TMEM178A: variants seen among roughly 807,000 people sequenced by gnomAD.
The protein encoded by TMEM178A is transmembrane protein 178A.
A neutral mutation model predicts 29.1 loss-of-function variants in TMEM178A; 12 were observed. The ratio of observed to expected loss-of-function variants is 0.41; its 90% CI spans 0.26 to 0.67. TMEM178A has a LOEUF of 0.67. TMEM178A is among the 30% of genes least tolerant of loss of function. The pLI is 0.29. For missense variants in TMEM178A, 366 were observed against 419.1 expected (o/e 0.87, Z 1.11); for synonymous variants, 210 against 187.2 (o/e 1.12, Z -0.99).
chr2:39,689,792 C>T (rs1432498869), intron 1 of TMEM178A, among the ~76,000 whole-genome samples: 5 of 152,186 alleles, frequency 3.3e-5, no homozygotes, highest in Non-Finnish European at 5.9e-5. Context: ...TGACAATTAT[C>T]CATGTTAAGA....
chr2:39,722,973 T>G, the TMEM178A span, among the ~76,000 whole-genome samples: 31 of 152,094 alleles, frequency 2.0e-4, no homozygotes, highest in Non-Finnish European at 8.8e-5. Context: ...CCTCTGGGGA[T>G]TCTGGAAAGG....
chr2:39,679,373 A>G lies in TMEM178A; in HGVS notation c.400+12999A>G, dbSNP rs575763301. The stretch of plus-strand genomic sequence containing the variant: ...AGACTAAGACACTAATTATTAATCC[A>G]AAGAAGATAAGGTACTTGGTGTTAA... On this transcript the variant is annotated intron_variant, in intron 1 of 3. Transcript: ENST00000281961. Among the ~76,000 whole-genome samples the G allele has an allele frequency of 2.1e-5, 3 of 145,374 alleles. No homozygotes were observed. In the South Asian group the frequency reaches 6.9e-4, roughly 34 times the overall value.
downstream of TMEM178A, among the ~76,000 whole-genome samples, chr2:39,721,338 T>C (rs1672698348): frequency 1.3e-5 from 2 of 152,228 alleles, no homozygotes; most frequent in South Asian, 2.1e-4. Flanking sequence ...AACATTAGAA[T>C]ATGTCTGCCT....
At chr2:39,731,329 G>C in the TMEM178A span, among the ~76,000 whole-genome samples, 1 of 152,178 alleles carries the variant, frequency 6.6e-6, no homozygotes, top group African/African-American at 2.4e-5. Flanking sequence ...CTGGGTAGTT[G>C]ATAAAGAAAA....
intron 3 of TMEM178A, among the ~76,000 whole-genome samples, chr2:39,714,664 A>G (rs1020221867): frequency 6.6e-6 from 1 of 152,198 alleles, no homozygotes; most frequent in Non-Finnish European, 1.5e-5. Flanking sequence ...AGCAGAGAGA[A>G]ATCATTCTGG....
chr2:39,689,184 GT>G (rs1395306918), intron 1 of TMEM178A, among the ~76,000 whole-genome samples: 4 of 152,194 alleles, frequency 2.6e-5, no homozygotes, highest in African/African-American at 7.2e-5. Flanking sequence ...ACAGTATATT[GT>G]TTTTAAGGAT....
In TMEM178A at chr2:39,666,185, C is replaced by A; in HGVS notation, c.211C>A (p.Pro71Thr). 6.9e-7 allele frequency: 1 copy of A among 1,459,420 alleles called. No homozygotes were observed. The highest frequency in any genetic ancestry group is 9.0e-7 in the Non-Finnish European group (1 of 1,109,534). The allele number at this position is 1,459,420 out of a possible 1,614,324, so 90.4% of individuals were successfully genotyped here. A position where few individuals can be genotyped will look rare whatever the true frequency, so the allele number is the denominator to read the frequency against. ...PLSHLPLRDS[P>T]PLGRRLLPGG... ...GTCGCACCTGCCGCTGCGGGACTCG[C>A]CCCCGCTGGGGCGCCGGCTGCTCCC... Residue 71 changes from proline (P) to threonine (T), a missense_variant, in exon 1 of 4, where the codon CCC becomes ACC. Pro to Thr is a conservative substitution (Grantham distance 38). Around this residue, in one of 2 missense-constraint regions of TMEM178A, gnomAD observed 247 missense variants for 246.8 expected, o/e 1.00. Transcript: ENST00000281961.
intron 1 of TMEM178A, among the ~76,000 whole-genome samples, chr2:39,694,916 C>G (rs558995054): frequency 2.2e-4 from 33 of 152,318 alleles, no homozygotes; most frequent in African/African-American, 7.7e-4. Context: ...GGTTTGTCCT[C>G]AAGAGCTTTG....
chr2:39,668,680 T>A (rs1390187837), intron 1 of TMEM178A, among the ~76,000 whole-genome samples: 1 of 152,170 alleles, frequency 6.6e-6, no homozygotes, highest in Non-Finnish European at 1.5e-5. Flanking sequence ...AGAACAGGCA[T>A]TGGTAGATTA....
At chr2:39,729,167 A>G in the TMEM178A span, among the ~76,000 whole-genome samples, 9 of 152,208 alleles carry the variant, frequency 5.9e-5, no homozygotes, top group African/African-American at 2.2e-4. Flanking sequence ...CATCCAAACC[A>G]TACAACAAGA....
intron 1 of TMEM178A, among the ~76,000 whole-genome samples, chr2:39,686,841 C>T (rs1028915884): frequency 2.6e-5 from 4 of 152,138 alleles, no homozygotes; most frequent in African/African-American, 9.7e-5. Context: ...CCTAATGGCG[C>T]TTTTTTCCCT....
At chr2:39,714,616 A>G (rs1672455492) in intron 3 of TMEM178A, among the ~76,000 whole-genome samples, 1 of 152,200 alleles carries the variant, frequency 6.6e-6, no homozygotes, top group Non-Finnish European at 1.5e-5. Flanking sequence ...AGCACAAATC[A>G]ATTCCCCAGG....
At chr2:39,718,618 T>G (rs1305257005), downstream of TMEM178A, among the ~76,000 whole-genome samples, 1 of 152,222 alleles carries the variant, frequency 6.6e-6, no homozygotes, top group Non-Finnish European at 1.5e-5. Flanking sequence ...TCCAAAGCTC[T>G]ATGAGGTAAG....
At chr2:39,697,204 G>T (rs1671581528) in intron 1 of TMEM178A, among the ~76,000 whole-genome samples, 1 of 152,048 alleles carries the variant, frequency 6.6e-6, no homozygotes, top group Admixed American at 6.6e-5. Context: ...ATTTGTCTTT[G>T]GTTGCTTGAT....
intron 1 of TMEM178A, among the ~76,000 whole-genome samples, chr2:39,688,842 C>A (rs937841775): frequency 6.6e-6 from 1 of 152,116 alleles, no homozygotes; most frequent in African/African-American, 2.4e-5. Flanking sequence ...ATCCTGAAGT[C>A]CAGCTTGAAA....
At position 39,707,206 on chromosome 2, in the gene TMEM178A, C is replaced by A. The variant is rs1672071250; in HGVS notation, c.652+20C>A. 1 of 1,598,966 alleles carries A rather than the reference C, an allele frequency of 6.3e-7. No homozygotes were observed. The highest frequency in any genetic ancestry group is 1.7e-5 in the Admixed American group (1 of 57,176). On this transcript the variant is annotated intron_variant, in intron 3 of 3. Coordinates refer to ENST00000281961, the MANE Select transcript of TMEM178A (RefSeq NM_152390.3). ...TGACAGGTAGGCTGCATGCCTCAGG[C>A]CGTCTGTCCCAGCCAAGGTGAAGGC...
At chr2:39,704,606 C>G (rs1671943105) in intron 2 of TMEM178A, among the ~76,000 whole-genome samples, 1 of 152,108 alleles carries the variant, frequency 6.6e-6, no homozygotes. Flanking sequence ...CTTTGTATTT[C>G]TGCTAAAATA....
intron 1 of TMEM178A, among the ~76,000 whole-genome samples, chr2:39,701,571 T>C (rs1312695390): frequency 2.6e-5 from 4 of 152,262 alleles, no homozygotes; most frequent in Non-Finnish European, 4.4e-5. Context: ...TTCTTAGGAA[T>C]GCAAGTTCAT....
At position 39,716,993 on chromosome 2, in the gene TMEM178A, C is replaced by T; in HGVS notation, c.653-17C>T. 2.5e-6 allele frequency: 4 copies of T among 1,604,396 alleles called. No individual in the cohort carries two copies. Among genetic ancestry groups the T allele is most frequent in the Non-Finnish European group, 2.6e-6 (3 of 1,174,134 alleles). ...AAACTGTAACTAATCATTCTGTTCTCTTTGTATTATTTATAGGGATATTTT... is the reference window on the plus strand; with the variant it reads ...AAACTGTAACTAATCATTCTGTTCTTTTTGTATTATTTATAGGGATATTTT... On this transcript the variant is annotated splice_polypyrimidine_tract_variant and intron_variant, in intron 3 of 3. Coordinates refer to ENST00000281961, the MANE Select transcript of TMEM178A (RefSeq NM_152390.3).
Sources: allele counts gnomAD v4.1 joint callset (sites outside exome capture counted in the v4.1 genomes callset), GRCh38; gene constraint gnomAD v4.1.1; regional missense constraint gnomAD v4.1.1; transcripts MANE v1.5; gene names NCBI Gene and HGNC (gene_info 2026-07-23, HGNC 2026-07-21).